The following WNK1 variants were observed in gnomAD, a reference collection of about 807,000 sequenced individuals.
WNK1 encodes WNK lysine deficient protein kinase 1, also known as serine/threonine-protein kinase WNK1.
A neutral mutation model predicts 222.8 loss-of-function variants in WNK1; 38 were observed. That is an observed-to-expected ratio of 0.17 (90% confidence interval 0.13 to 0.22). The LOEUF is 0.22. Among genes scored for constraint, WNK1 ranks in the 10% least tolerant of loss-of-function variants. WNK1 has a pLI of 1.00. For synonymous variants in WNK1, 1,090 were observed against 1,092.9 expected, an observed-to-expected ratio of 1.00 and a Z score of 0.05; for missense variants, 2,348 against 2,918.4, an observed-to-expected ratio of 0.80 and a Z score of 4.50.
chr12:820,681 C>T (rs1351092473), intron 2 of WNK1, among the ~76,000 whole-genome samples: 2 of 151,852 alleles, frequency 1.3e-5, no homozygotes, highest in African/African-American at 2.4e-5. Context: ...CAATATATTG[C>T]TTATGGTAGT....
chr12:897,692 C>T lies in WNK1; in HGVS notation c.6448+11C>T, dbSNP rs1378639671. 2 of 1,613,746 alleles carry T rather than the reference C, an allele frequency of 1.2e-6. No individual in the cohort carries two copies. The highest frequency in any genetic ancestry group is 8.5e-7 in the Non-Finnish European group (1 of 1,179,792). On this transcript the variant is annotated intron_variant, in intron 25 of 27. Transcript: ENST00000315939. ...GCCCCCAGCTTTCAGGTAAAAAGCCCTGGACTAGGTCAGCCACAGCTGTCC... is the reference window on the plus strand; with the variant it reads ...GCCCCCAGCTTTCAGGTAAAAAGCCTTGGACTAGGTCAGCCACAGCTGTCC...
chr12:777,226 G>A (rs1943215798), intron 1 of WNK1, among the ~76,000 whole-genome samples: 1 of 149,678 alleles, frequency 6.7e-6, no homozygotes, highest in Non-Finnish European at 1.5e-5. Context: ...GCAGTGGTGC[G>A]ATCTTGGCCC....
intron 2 of WNK1, 142 bp from the exon 3 acceptor site, chr12:826,900 A>G (rs1948403493): frequency 6.1e-6 from 4 of 659,966 alleles, no homozygotes; most frequent in Non-Finnish European, 1.0e-5. Flanking sequence ...TACTAAAAGT[A>G]TTATTAACCT....
In WNK1 at chr12:865,160, G is replaced by T. The variant is rs11611231; in HGVS notation, c.2139+2890G>T. ...TTTGTGTTCCCATCTTTCTGCTGTT[G>T]CCTCTGTGTCCCGCATCTCTCCCAG... On this transcript the variant is annotated intron_variant, in intron 8 of 27. Coordinates refer to ENST00000315939, the MANE Select transcript of WNK1 (RefSeq NM_018979.4). 3 of 1,531,612 alleles carry T rather than the reference G, an allele frequency of 2.0e-6. No homozygotes were observed. The South Asian group carries it at 3.6e-5, about 18-fold the overall frequency. The allele number at this position is 1,531,612 out of a possible 1,614,324, so 94.9% of individuals were successfully genotyped here. A position where few individuals can be genotyped will look rare whatever the true frequency, so the allele number is the denominator to read the frequency against.
chr12:757,809 G>A (rs567217627), intron 1 of WNK1, among the ~76,000 whole-genome samples: 2 of 146,772 alleles, frequency 1.4e-5, no homozygotes, highest in Non-Finnish European at 3.0e-5. Flanking sequence ...AGGCCGAGGC[G>A]GGTGGATCAC....
In WNK1 at chr12:883,385, TC is replaced by T. The variant is rs1330743518; in HGVS notation, c.3490-9del. ...ACACTAATTAGACTGACATCACATTTCTTTTACAGGTGAACAATGACTTTAT... is the reference window on the plus strand; with the variant it reads ...ACACTAATTAGACTGACATCACATTTTTTTACAGGTGAACAATGACTTTAT... On this transcript the variant is annotated splice_polypyrimidine_tract_variant and intron_variant, in intron 15 of 27. Transcript: ENST00000315939. 1 of 1,614,064 alleles carries T rather than the reference TC, an allele frequency of 6.2e-7. No individual in the cohort carries two copies. Among genetic ancestry groups the T allele is most frequent in the Non-Finnish European group, 8.5e-7 (1 of 1,180,022 alleles).
At chr12:819,065 A>T (rs1947622045) in intron 2 of WNK1, among the ~76,000 whole-genome samples, 1 of 152,244 alleles carries the variant, frequency 6.6e-6, no homozygotes, top group African/African-American at 2.4e-5. Context: ...ATGATACCTC[A>T]TTATGGATTA....
chr12:758,305 A>G lies in WNK1; in HGVS notation c.759+3981A>G, dbSNP rs1395037088. ...GACATTAATATTTTGTGAATAGTATAGCAGTGTTACAGAAATGGGATGTGG... is the reference window on the plus strand; with the variant it reads ...GACATTAATATTTTGTGAATAGTATGGCAGTGTTACAGAAATGGGATGTGG... On this transcript the variant is annotated intron_variant, in intron 1 of 27. Coordinates refer to ENST00000315939, the MANE Select transcript of WNK1 (RefSeq NM_018979.4). 2.1e-5 allele frequency among the ~76,000 whole-genome samples: 3 copies of G among 144,200 alleles called. 1 individual carries two copies. The highest frequency in any genetic ancestry group is 2.1e-4 in the Admixed American group (3 of 14,570). 94.6% of individuals were successfully genotyped at this position (144,200 alleles called of 152,430 possible).
At chr12:904,167 C>T (rs923261559) in intron 26 of WNK1, among the ~76,000 whole-genome samples, 1 of 152,164 alleles carries the variant, frequency 6.6e-6, no homozygotes, top group Non-Finnish European at 1.5e-5. Flanking sequence ...CTCGCCAATT[C>T]CAGAACCTCA....
chr12:767,662 G>A (rs1343021361), intron 1 of WNK1, among the ~76,000 whole-genome samples: 1 of 152,096 alleles, frequency 6.6e-6, no homozygotes, highest in African/African-American at 2.4e-5. Context: ...GCCTTACTCT[G>A]TGTGGGTTCA....
At chr12:899,757 C>T (rs1046490777) in intron 25 of WNK1, among the ~76,000 whole-genome samples, 11 of 152,090 alleles carry the variant, frequency 7.2e-5, no homozygotes, top group African/African-American at 2.7e-4. Flanking sequence ...TTTTTGAACA[C>T]CTCTTTTGTA....
intron 4 of WNK1, among the ~76,000 whole-genome samples, chr12:856,741 A>G (rs1022148747): frequency 6.6e-6 from 1 of 152,228 alleles, no homozygotes; most frequent in African/African-American, 2.4e-5. Context: ...CAAACTAAGC[A>G]TGTGAATTCA....
At chr12:856,882 C>A (rs1049465137) in intron 4 of WNK1, among the ~76,000 whole-genome samples, 3 of 152,092 alleles carry the variant, frequency 2.0e-5, no homozygotes. Flanking sequence ...CAATAAATTC[C>A]TTTACTTGAA....
rs7955371 is a variant in WNK1, at chr12:885,321, G to C, written c.4517G>C (p.Cys1506Ser). 1,610,564 of 1,614,172 alleles carry C rather than the reference G, an allele frequency of 1. 803,547 individuals carry two copies. The highest frequency in any genetic ancestry group is 1 in the East Asian group (44,880 of 44,880). The change falls in exon 19 of 28, where the codon TGC becomes TCC. Residue 1506 changes from cysteine to serine, a missense_variant. Coordinates refer to ENST00000315939, the MANE Select transcript of WNK1 (RefSeq NM_018979.4). The part of the protein sequence containing the change: ...TSFPSTASQL[C>S]IQLSSSTSTP... Reference sequence around the variant, plus strand: ...TTCCCAAGCACAGCTTCACAGCTGTGCATTCAGCTTAGCAGCAGTACTTCT... The same window carrying C: ...TTCCCAAGCACAGCTTCACAGCTGTCCATTCAGCTTAGCAGCAGTACTTCT...
intron 13 of WNK1, 24 bp from the exon 14 acceptor site, chr12:881,885 CTT>C: frequency 6.2e-7 from 1 of 1,613,764 alleles, no homozygotes; most frequent in Non-Finnish European, 8.5e-7. Context: ...ATAAACTGCA[CTT>C]TTTTTTCTTT....
intron 20 of WNK1, 53 bp from the exon 21 acceptor site, chr12:889,087 C>A: frequency 6.9e-7 from 1 of 1,447,608 alleles, no homozygotes. Context: ...GGCTATATAT[C>A]GTGACTCTGA....
At position 884,645 on chromosome 12, in the gene WNK1, G is replaced by A. The variant is rs1187919638; in HGVS notation, c.3845-4G>A. The A allele has an allele frequency of 6.2e-7, 1 of 1,613,362 alleles. No individual in the cohort carries two copies. Among genetic ancestry groups the A allele is most frequent in the South Asian group, 1.1e-5 (1 of 91,058 alleles). On this transcript the variant is annotated splice_region_variant and splice_polypyrimidine_tract_variant and intron_variant, in intron 18 of 27. Coordinates refer to ENST00000315939, the MANE Select transcript of WNK1 (RefSeq NM_018979.4). The surrounding 1 kb of genome is among the most constrained non-coding windows in gnomAD (Gnocchi z 5.6). Reference sequence around the variant, plus strand: ...GATTCTTATCTTTTTGTATTCCTTTGCAGTTGCTGCCTCTACAGCTCAGAG... The same window carrying A: ...GATTCTTATCTTTTTGTATTCCTTTACAGTTGCTGCCTCTACAGCTCAGAG...
chr12:894,495 G>T, intron 22 of WNK1, 67 bp from the exon 23 acceptor site: 1 of 1,379,014 alleles, frequency 7.3e-7, no homozygotes, highest in Non-Finnish European at 1.0e-6. Flanking sequence ...TGTATTTCTA[G>T]CTAAAGGGAA....
chr12:831,009 C>T (rs779113804), intron 4 of WNK1, among the ~76,000 whole-genome samples: 1 of 152,136 alleles, frequency 6.6e-6, no homozygotes, highest in Non-Finnish European at 1.5e-5. Flanking sequence ...TAGATTATTT[C>T]GAGGAATGTT....
Sources: gnomAD v4.1 joint callset for allele counts (sites outside exome capture counted in the v4.1 genomes callset) on GRCh38, gnomAD v4.1.1 for gene constraint, Gnocchi (gnomAD v3.1) non-coding constraint, MANE v1.5 for transcripts, NCBI Gene and HGNC (gene_info 2026-07-23, HGNC 2026-07-21) for gene names.